MRPL1: variants seen among roughly 807,000 people sequenced by gnomAD.
MRPL1 encodes mitochondrial ribosomal protein L1, also known as large ribosomal subunit protein uL1m.
A neutral mutation model predicts 38.0 loss-of-function variants in MRPL1; 28 were observed. The observed-to-expected ratio is 0.74, with a 90% CI of 0.55 to 1.01. The LOEUF (loss-of-function observed/expected upper bound fraction) is 1.01, where lower values mean the gene tolerates loss of function less well. Among genes scored for constraint, MRPL1 ranks in the 50% least tolerant of loss-of-function variants. The pLI is 0.00. For synonymous variants in MRPL1, 123 were observed against 126.7 expected (o/e 0.97, Z 0.20); for missense variants, 358 against 389.8 (o/e 0.92, Z 0.69).
intron 6 of MRPL1, among the ~76,000 whole-genome samples, chr4:77,900,266 A>G (rs1275985900): frequency 6.6e-6 from 1 of 152,196 alleles, no homozygotes; most frequent in East Asian, 1.9e-4. Context: ...ATGCCTACCT[A>G]TGTGCCAGCT....
At chr4:77,950,437 G>C (rs1737381325) in intron 8 of MRPL1, among the ~76,000 whole-genome samples, 2 of 152,190 alleles carry the variant, frequency 1.3e-5, no homozygotes, top group Non-Finnish European at 2.9e-5. Flanking sequence ...ATTGCGTTGT[G>C]TGCTGTTCAA....
At chr4:77,944,629 G>T (rs1295508689) in intron 7 of MRPL1, among the ~76,000 whole-genome samples, 1 of 152,136 alleles carries the variant, frequency 6.6e-6, no homozygotes, top group Non-Finnish European at 1.5e-5. Context: ...CAGAGTGAGG[G>T]TTAAGTAAAT....
intron 6 of MRPL1, among the ~76,000 whole-genome samples, chr4:77,906,081 A>C (rs1017686134): frequency 6.6e-6 from 1 of 152,200 alleles, no homozygotes; most frequent in African/African-American, 2.4e-5. Context: ...GTGCATGGAT[A>C]GGATAAGAGA....
intron 2 of MRPL1, among the ~76,000 whole-genome samples, chr4:77,876,129 C>T (rs1209186953): frequency 2.6e-5 from 4 of 152,064 alleles, no homozygotes; most frequent in Non-Finnish European, 5.9e-5. Context: ...TGCACCACCA[C>T]ACCTTGCTAA....
chr4:77,903,346 A>C (rs1175789353), intron 6 of MRPL1, among the ~76,000 whole-genome samples: 1 of 152,196 alleles, frequency 6.6e-6, no homozygotes, highest in Non-Finnish European at 1.5e-5. Flanking sequence ...TCAACTTGAC[A>C]CAGCACATCT....
At chr4:77,924,562 G>A (rs1032245096) in intron 7 of MRPL1, among the ~76,000 whole-genome samples, 1 of 152,044 alleles carries the variant, frequency 6.6e-6, no homozygotes, top group Non-Finnish European at 1.5e-5. Flanking sequence ...CAGTCCTCAT[G>A]CCTTTCATTC....
chr4:77,901,152 G>A (rs919786060), intron 6 of MRPL1, among the ~76,000 whole-genome samples: 8 of 152,024 alleles, frequency 5.3e-5, no homozygotes, highest in Non-Finnish European at 7.4e-5. Flanking sequence ...ATAAGCTGGC[G>A]CAACTTTATT....
chr4:77,936,691 A>T (rs998780719), intron 7 of MRPL1, among the ~76,000 whole-genome samples: 1 of 152,248 alleles, frequency 6.6e-6, no homozygotes, highest in African/African-American at 2.4e-5. Flanking sequence ...TTACTGCCTT[A>T]CCATTTACTA....
intron 7 of MRPL1, among the ~76,000 whole-genome samples, chr4:77,912,927 T>C (rs1449977942): frequency 6.6e-6 from 1 of 152,078 alleles, no homozygotes; most frequent in Non-Finnish European, 1.5e-5. Flanking sequence ...CAAGGTACAA[T>C]GGCATTTTTT....
intron 7 of MRPL1, among the ~76,000 whole-genome samples, chr4:77,925,788 T>C (rs1486408247): frequency 6.6e-6 from 1 of 152,172 alleles, no homozygotes; most frequent in Non-Finnish European, 1.5e-5. Flanking sequence ...AATGGCACTT[T>C]TTATTTCTTA....
At chr4:77,866,590 C>T (rs963750438) in intron 1 of MRPL1, among the ~76,000 whole-genome samples, 1 of 152,108 alleles carries the variant, frequency 6.6e-6, no homozygotes, top group African/African-American at 2.4e-5. Flanking sequence ...TCCATCTATC[C>T]TCCCTCACAC....
chr4:77,893,494 G>T (rs1044903236), intron 5 of MRPL1, among the ~76,000 whole-genome samples: 1 of 151,822 alleles, frequency 6.6e-6, no homozygotes, highest in African/African-American at 2.4e-5. Context: ...TATTTTAGGT[G>T]CTTGCCTGAA....
chr4:77,951,826 T>C (rs765551787), intron 8 of MRPL1, among the ~76,000 whole-genome samples: 2 of 152,176 alleles, frequency 1.3e-5, no homozygotes, highest in Non-Finnish European at 2.9e-5. Context: ...TGTGTACGTG[T>C]GCCCTGCAAT....
chr4:77,935,847 A>G (rs1396537781), intron 7 of MRPL1, among the ~76,000 whole-genome samples: 1 of 151,288 alleles, frequency 6.6e-6, no homozygotes. Context: ...CAGGAGAATC[A>G]CTTGAACCTG....
At chr4:77,951,166 G>A (rs940901241) in intron 8 of MRPL1, among the ~76,000 whole-genome samples, 3 of 152,200 alleles carry the variant, frequency 2.0e-5, no homozygotes, top group Non-Finnish European at 1.5e-5. Flanking sequence ...CACGGTGTCC[G>A]GCTGTCTTTT....
intron 2 of MRPL1, among the ~76,000 whole-genome samples, chr4:77,880,376 A>C (rs947250994): frequency 6.6e-6 from 1 of 151,942 alleles, no homozygotes. Context: ...TGTGTGATGC[A>C]GTTGGGAAGG....
At chr4:77,949,708 AT>A in intron 7 of MRPL1, 88 bp from the exon 8 acceptor site, 1 of 864,574 alleles carries the variant, frequency 1.2e-6, no homozygotes. Flanking sequence ...GATAATTTGC[AT>A]TGGTTGACTA....
intron 2 of MRPL1, among the ~76,000 whole-genome samples, chr4:77,872,191 A>G (rs1017743776): frequency 1.2e-4 from 18 of 152,160 alleles, no homozygotes; most frequent in African/African-American, 4.1e-4. Flanking sequence ...TAGGGTTTGA[A>G]TCCATGGAGT....
chr4:77,930,408 C>T (rs1736817698), intron 7 of MRPL1, among the ~76,000 whole-genome samples: 1 of 152,224 alleles, frequency 6.6e-6, no homozygotes, highest in Non-Finnish European at 1.5e-5. Flanking sequence ...CTTGTGTCAT[C>T]ATCAGTGGCA....
Sources: gnomAD v4.1 joint callset for allele counts (sites outside exome capture counted in the v4.1 genomes callset) on GRCh38, gnomAD v4.1.1 for gene constraint, MANE v1.5 for transcripts, NCBI Gene and HGNC (gene_info 2026-07-23, HGNC 2026-07-21) for gene names.